Variants in SIK3 observed in about 807,000 individuals in gnomAD.
SIK3 encodes serine/threonine-protein kinase SIK3.
Under a neutral mutation model 144.2 loss-of-function variants are expected in SIK3, and 28 were observed. The observed-to-expected ratio is 0.19, with a 90% CI of 0.14 to 0.27. SIK3 has a LOEUF of 0.27. Among genes scored for constraint, SIK3 ranks in the 10% least tolerant of loss-of-function variants. The pLI is 1.00. For missense variants in SIK3, 1,319 were observed against 1,776.0 expected, an observed-to-expected ratio of 0.74 and a Z score of 4.62; for synonymous variants, 686 against 676.3, an observed-to-expected ratio of 1.01 and a Z score of -0.22.
intron 3 of SIK3, among the ~76,000 whole-genome samples, chr11:116,939,960 A>G (rs1489165078): frequency 6.6e-6 from 1 of 152,208 alleles, no homozygotes; most frequent in Non-Finnish European, 1.5e-5. Flanking sequence ...AAACTATAAG[A>G]AGATGTTTTG....
At chr11:117,055,105 GAC>G (rs1235331947) in intron 1 of SIK3, among the ~76,000 whole-genome samples, 1 of 152,104 alleles carries the variant, frequency 6.6e-6, no homozygotes, top group African/African-American at 2.4e-5. Context: ...TTTATTCACG[GAC>G]ACAGTCACTA....
chr11:117,098,078 T>G, intron 1 of SIK3, 65 bp downstream of exon 1: 2 of 1,246,092 alleles, frequency 1.6e-6, no homozygotes, highest in Non-Finnish European at 1.0e-6. Context: ...ACCCCCCGGC[T>G]GGGGGGCGCG....
intron 1 of SIK3, among the ~76,000 whole-genome samples, chr11:116,963,104 C>CA (rs1296817013): frequency 6.6e-6 from 1 of 152,166 alleles, no homozygotes; most frequent in East Asian, 1.9e-4. Flanking sequence ...ACAAGGCTCT[C>CA]AATGCTCAAA....
At chr11:116,963,627 C>T (rs1377941491) in intron 1 of SIK3, among the ~76,000 whole-genome samples, 4 of 152,194 alleles carry the variant, frequency 2.6e-5, no homozygotes, top group African/African-American at 4.8e-5. Context: ...GAGTCTATGA[C>T]ATCCCTGAAT....
rs550957965 is a variant in SIK3 at position 117,041,493 on chromosome 11, T to A, written c.273+56650A>T. ...TTAATAAAAAAAATCCTTTTCCTCCTAATATATTTAAGCAATGAGGGATAC... is the reference window on the plus strand; with the variant it reads ...TTAATAAAAAAAATCCTTTTCCTCCAAATATATTTAAGCAATGAGGGATAC... On this transcript the variant is annotated intron_variant, in intron 1 of 24. Coordinates refer to ENST00000445177, the MANE Select transcript of SIK3 (RefSeq NM_001366686.3). 2.3e-3 allele frequency among the ~76,000 whole-genome samples: 350 copies of A among 152,338 alleles called. 1 individual carries two copies. The highest frequency in any genetic ancestry group is 3.8e-3 in the Non-Finnish European group (256 of 68,020).
rs201892358 is a variant in SIK3 at position 117,061,804 on chromosome 11, AG to A, written c.273+36338del. On this transcript the variant is annotated intron_variant, in intron 1 of 24. Coordinates refer to ENST00000445177, the MANE Select transcript of SIK3 (RefSeq NM_001366686.3). ...TCTTTGAAAATGTCAATAAATAAGCAGAAATATTAGAAGAGTCCAAATTATT... is the reference window on the plus strand; with the variant it reads ...TCTTTGAAAATGTCAATAAATAAGCAAAATATTAGAAGAGTCCAAATTATT... Among the ~76,000 whole-genome samples the A allele has an allele frequency of 4.4e-3, 663 of 152,366 alleles. 14 individuals are homozygous for A. Among genetic ancestry groups the A allele is most frequent in the Admixed American group, 0.039 (598 of 15,302 alleles).
intron 4 of SIK3, among the ~76,000 whole-genome samples, chr11:116,921,207 AAG>A (rs745659973): frequency 6.6e-6 from 1 of 152,218 alleles, no homozygotes; most frequent in Non-Finnish European, 1.5e-5. Context: ...GGAGAGTTAA[AAG>A]TGCCAGAAGA....
chr11:117,097,675 G>A (rs1022149038), intron 1 of SIK3, among the ~76,000 whole-genome samples: 9 of 151,952 alleles, frequency 5.9e-5, no homozygotes, highest in South Asian at 2.1e-4. Flanking sequence ...CCGTGCCCCA[G>A]CCGTCCTGGG....
chr11:117,069,113 T>C (rs1176150462), intron 1 of SIK3, among the ~76,000 whole-genome samples: 1 of 139,524 alleles, frequency 7.2e-6, no homozygotes, highest in Non-Finnish European at 1.5e-5. Flanking sequence ...CCATCTAAAA[T>C]TAGAGAGAAA....
At chr11:116,884,111 G>A (rs1944687718) in intron 6 of SIK3, among the ~76,000 whole-genome samples, 1 of 152,070 alleles carries the variant, frequency 6.6e-6, no homozygotes, top group Non-Finnish European at 1.5e-5. Flanking sequence ...ATAAGGATTG[G>A]AATGCTTTTA....
At chr11:116,947,170 T>TATTATTTATATATAATATATTATATATGA (rs1434017124) in intron 3 of SIK3, among the ~76,000 whole-genome samples, 1 of 116,622 alleles carries the variant, frequency 8.6e-6, no homozygotes, top group Non-Finnish European at 1.6e-5. Flanking sequence ...ATATATAAAT[T>TATTATTTATATATAATATATTATATATGA]ATTATTTATA....
chr11:117,034,858 T>C (rs972819338), intron 1 of SIK3, among the ~76,000 whole-genome samples: 31 of 152,234 alleles, frequency 2.0e-4, no homozygotes, highest in Admixed American at 1.8e-3. Context: ...ACCAAACTTA[T>C]TTTTTGCTTT....
At chr11:117,036,090 AT>A (rs59149778) in intron 1 of SIK3, 35,371 of 516,674 alleles carry the variant, frequency 0.068, no homozygotes, top group South Asian at 0.11. Flanking sequence ...GGAAAGGTTA[AT>A]TTTTTTTTTT....
At position 116,858,648 on chromosome 11, in the gene SIK3, G is replaced by A. The variant is rs754233226; in HGVS notation, c.2817C>T (p.His939=). The change falls in exon 21 of 25, where the codon CAC becomes CAT. Residue 939 remains histidine, a synonymous_variant. Coordinates refer to ENST00000445177, the MANE Select transcript of SIK3 (RefSeq NM_001366686.3). The surrounding 1 kb of genome is among the most constrained non-coding windows in gnomAD (Gnocchi z 5.4). ...SPANYDQAHL[H]PHLFSDQSRG... is the part of the protein sequence containing the mutation. The stretch of plus-strand genomic sequence containing the variant: ...GGGACTGGTCCGAAAACAGATGGGG[G>A]TGTAAATGCGCCTGGTCGTAGTTAG... 3.2e-6 allele frequency: 5 copies of A among 1,583,570 alleles called. No homozygotes were observed. The highest frequency in any genetic ancestry group is 1.8e-5 in the Admixed American group (1 of 55,268).
At position 117,098,257 on chromosome 11, in the gene SIK3, CG is replaced by C; in HGVS notation, c.158del (p.Pro53ArgfsTer45). 1.4e-6 allele frequency: 2 copies of C among 1,436,386 alleles called. No individual in the cohort carries two copies. Among genetic ancestry groups the C allele is most frequent in the Non-Finnish European group, 9.2e-7 (1 of 1,088,556 alleles). 89.0% of individuals were successfully genotyped at this position (1,436,386 alleles called of 1,614,324 possible). A position where few individuals can be genotyped will look rare whatever the true frequency, so the allele number is the denominator to read the frequency against. ...GGGCGGGCATGGGTCCGCGGGAGGC[CG>C]GGGCTGGGGGACGCGGCTGGCCGGC... The part of the protein sequence containing the change: ...PAAGQPRPPA[P>X]ASRGPMPARI... On this transcript the variant is annotated frameshift_variant, in exon 1 of 25. Transcript: ENST00000445177. LOFTEE classifies it high-confidence loss of function.
intron 4 of SIK3, among the ~76,000 whole-genome samples, chr11:116,915,169 T>TGTGTG (rs1555093415): frequency 1.3e-5 from 2 of 151,176 alleles, no homozygotes; most frequent in Non-Finnish European, 2.9e-5. Flanking sequence ...TGTATGTGTA[T>TGTGTG]TTTTTCTTTT....
At position 116,867,007 on chromosome 11, in the gene SIK3, T is replaced by A. The variant is rs1943682560; in HGVS notation, c.1952+939A>T. ...GTTGATGCCAAATGGGTAACCAGCC[T>A]CAGTAAAAAAAATGTGTCAAGCTTG... On this transcript the variant is annotated intron_variant, in intron 15 of 24. Coordinates refer to ENST00000445177, the MANE Select transcript of SIK3 (RefSeq NM_001366686.3). This position sits in a 1 kb window ranked among gnomAD's most constrained non-coding sequence, Gnocchi z 4.1. Among the ~76,000 whole-genome samples the A allele has an allele frequency of 1.3e-5, 2 of 152,122 alleles. No homozygotes were observed. Among genetic ancestry groups the A allele is most frequent in the Non-Finnish European group, 2.9e-5 (2 of 68,018 alleles).
At chr11:117,001,505 C>CAA (rs35444420) in intron 1 of SIK3, among the ~76,000 whole-genome samples, 67 of 147,332 alleles carry the variant, frequency 4.5e-4, no homozygotes, top group African/African-American at 8.0e-4. Flanking sequence ...GATTCCATCT[C>CAA]AAAAAAAAAA....
chr11:116,930,909 T>C (rs2135164802), intron 3 of SIK3, among the ~76,000 whole-genome samples: 1 of 152,150 alleles, frequency 6.6e-6, no homozygotes, highest in Admixed American at 6.5e-5. Flanking sequence ...AAATTTAAAG[T>C]TTTCTTTGAC....
Sources: allele counts gnomAD v4.1 joint callset (sites outside exome capture counted in the v4.1 genomes callset), GRCh38; gene constraint gnomAD v4.1.1; non-coding constraint Gnocchi (gnomAD v3.1); transcripts MANE v1.5; gene names NCBI Gene and HGNC (gene_info 2026-07-23, HGNC 2026-07-21).